Variants in CDC42BPA observed in about 807,000 individuals in gnomAD.
CDC42BPA encodes the protein serine/threonine-protein kinase MRCK alpha.
Under a neutral mutation model 223.5 loss-of-function variants are expected in CDC42BPA, and 80 were observed. That is an observed-to-expected ratio of 0.36 (90% CI 0.30 to 0.43). The LOEUF (loss-of-function observed/expected upper bound fraction) is 0.43. Ranked by LOEUF, CDC42BPA falls within the 20% of genes least tolerant of loss-of-function variation. The probability of loss-of-function intolerance (pLI) is 1.00; values close to 1 mark genes in which losing one functional copy is unlikely to be tolerated. For synonymous variants in CDC42BPA, 694 were observed against 718.6 expected, an observed-to-expected ratio of 0.97 and a Z score of 0.55; for missense variants, 1,743 against 2,099.9, an observed-to-expected ratio of 0.83 and a Z score of 3.32.
At chr1:227,143,838 T>C (rs777447171) in intron 8 of CDC42BPA, among the ~76,000 whole-genome samples, 8 of 152,234 alleles carry the variant, frequency 5.3e-5, no homozygotes, top group Non-Finnish European at 1.2e-4. Context: ...GGTTCAATAT[T>C]AGCTAACAGT....
chr1:227,213,581 A>C (rs978912670), intron 2 of CDC42BPA, among the ~76,000 whole-genome samples: 1 of 152,196 alleles, frequency 6.6e-6, no homozygotes, highest in African/African-American at 2.4e-5. Flanking sequence ...AATGCTCAAC[A>C]GGAAAGAACT....
chr1:227,122,330 TG>T (rs1688795303), intron 11 of CDC42BPA, among the ~76,000 whole-genome samples: 1 of 152,328 alleles, frequency 6.6e-6, no homozygotes, highest in East Asian at 1.9e-4. Context: ...TCTAACATGT[TG>T]TTTTTTCAGA....
chr1:227,035,857 A>G (rs868210055), intron 24 of CDC42BPA, among the ~76,000 whole-genome samples: 1 of 152,350 alleles, frequency 6.6e-6, no homozygotes, highest in Middle Eastern at 3.4e-3. Flanking sequence ...TCAAAAAAAG[A>G]AGCAACAGAC....
chr1:227,215,515 T>A (rs552983154), intron 2 of CDC42BPA, among the ~76,000 whole-genome samples: 1 of 152,312 alleles, frequency 6.6e-6, no homozygotes, highest in East Asian at 1.9e-4. Context: ...TATTGTGGTG[T>A]AACTGATCAG....
intron 8 of CDC42BPA, among the ~76,000 whole-genome samples, chr1:227,144,756 T>TTGGC (rs2149664854): frequency 6.6e-6 from 1 of 152,246 alleles, no homozygotes; most frequent in East Asian, 1.9e-4. Context: ...GTTGAATTAT[T>TTGGC]TGGCTATTGG....
intron 35 of CDC42BPA, among the ~76,000 whole-genome samples, chr1:226,998,492 G>T (rs181568744): frequency 2.6e-5 from 4 of 152,204 alleles, no homozygotes; most frequent in African/African-American, 7.2e-5. Flanking sequence ...GTAATGCCAC[G>T]TATCTACAAC....
chr1:227,149,789 C>CCTA (rs1418519648), intron 6 of CDC42BPA, among the ~76,000 whole-genome samples: 1 of 151,700 alleles, frequency 6.6e-6, no homozygotes, highest in South Asian at 2.1e-4. Context: ...ACGTACAGAC[C>CCTA]CTAGAATGGA....
rs543127187 is a variant in CDC42BPA at position 227,192,071 on chromosome 1, T to C, written c.599+1715A>G. Among the ~76,000 whole-genome samples, 6 of 152,084 alleles carry C rather than the reference T, an allele frequency of 3.9e-5. No homozygotes were observed. The South Asian group carries it at 1.2e-3, about 32-fold the overall frequency. ...ATACCCACAGAGAAAAGCACACGAA[T>C]AGGCAAAAGCCAAACAGAGATCTGA... On this transcript the variant is annotated intron_variant, in intron 5 of 36. Coordinates refer to ENST00000366766, the MANE Select transcript of CDC42BPA (RefSeq NM_001394014.1).
intron 11 of CDC42BPA, among the ~76,000 whole-genome samples, chr1:227,128,057 G>C (rs939901680): frequency 6.6e-6 from 1 of 152,036 alleles, no homozygotes; most frequent in African/African-American, 2.4e-5. Flanking sequence ...ACAACAATCA[G>C]TAAGGCTCTA....
intron 2 of CDC42BPA, among the ~76,000 whole-genome samples, chr1:227,228,171 T>C (rs1474227650): frequency 6.6e-6 from 1 of 152,194 alleles, no homozygotes; most frequent in Non-Finnish European, 1.5e-5. Flanking sequence ...AGCTAATGCA[T>C]GTGGAGCTTA....
chr1:227,130,473 ATT>A (rs1656852541), intron 10 of CDC42BPA, among the ~76,000 whole-genome samples: 1 of 134,414 alleles, frequency 7.4e-6, no homozygotes, highest in South Asian at 2.4e-4. Flanking sequence ...TCCTTTCCGT[ATT>A]TATTATTTTG....
At chr1:227,099,597 T>C (rs983477412) in intron 15 of CDC42BPA, among the ~76,000 whole-genome samples, 3 of 152,164 alleles carry the variant, frequency 2.0e-5, no homozygotes, top group African/African-American at 7.2e-5. Flanking sequence ...CTTTACATGA[T>C]GTGGCCCCCT....
chr1:227,307,926 T>C (rs1692837249), intron 1 of CDC42BPA, among the ~76,000 whole-genome samples: 1 of 152,202 alleles, frequency 6.6e-6, no homozygotes, highest in African/African-American at 2.4e-5. Flanking sequence ...CTCATATTTG[T>C]TGTTGTTGGT....
At chr1:227,199,512 T>C in intron 4 of CDC42BPA, 45 bp downstream of exon 4, 1 of 1,079,608 alleles carries the variant, frequency 9.3e-7, no homozygotes, top group Non-Finnish European at 1.4e-6. Flanking sequence ...ATGCTAATTC[T>C]TCCAACAAAA....
intron 3 of CDC42BPA, among the ~76,000 whole-genome samples, chr1:227,211,440 A>G (rs1309038359): frequency 6.6e-6 from 1 of 152,194 alleles, no homozygotes; most frequent in Non-Finnish European, 1.5e-5. Flanking sequence ...TCAAAAAGAT[A>G]CCTGTACTTA....
chr1:227,082,195 ATTTTTTAT>A (rs1217540907), intron 16 of CDC42BPA, among the ~76,000 whole-genome samples: 13 of 151,932 alleles, frequency 8.6e-5, no homozygotes, highest in African/African-American at 1.2e-4. Context: ...TATCCAGCTA[ATTTTTTAT>A]TTTTTTATTT....
At chr1:227,020,343 T>C (rs1667141304) in intron 32 of CDC42BPA, among the ~76,000 whole-genome samples, 1 of 152,358 alleles carries the variant, frequency 6.6e-6, no homozygotes, top group Non-Finnish European at 1.5e-5. Context: ...GCTATGAAAG[T>C]CCTAGATGAC....
intron 5 of CDC42BPA, among the ~76,000 whole-genome samples, chr1:227,185,111 TTTAA>T (rs1267699466): frequency 2.6e-5 from 4 of 152,094 alleles, no homozygotes; most frequent in Admixed American, 2.0e-4. Flanking sequence ...CATTTAACAC[TTTAA>T]TTAGCATCTT....
intron 30 of CDC42BPA, among the ~76,000 whole-genome samples, chr1:227,028,124 A>AT (rs896004496): frequency 4.0e-5 from 6 of 151,364 alleles, no homozygotes; most frequent in Non-Finnish European, 8.9e-5. Context: ...CATCTCTCAA[A>AT]AAAAAAAAAA....
Sources: allele counts gnomAD v4.1 joint callset (sites outside exome capture counted in the v4.1 genomes callset), GRCh38; gene constraint gnomAD v4.1.1; transcripts MANE v1.5; gene names NCBI Gene and HGNC (gene_info 2026-07-23, HGNC 2026-07-21).